The following CAMSAP1 variants were observed in gnomAD, a reference collection of about 807,000 sequenced individuals.
CAMSAP1 encodes the protein calmodulin-regulated spectrin-associated protein 1.
CAMSAP1 carries 58 observed loss-of-function variants against 143.5 expected under a neutral mutation model. The observed-to-expected ratio is 0.40, with a 90% confidence interval of 0.33 to 0.50. The LOEUF is 0.50. Among genes scored for constraint, CAMSAP1 ranks in the 20% least tolerant of loss-of-function variants. The pLI is 0.45. For synonymous variants in CAMSAP1, 945 were observed against 859.3 expected, an observed-to-expected ratio of 1.10 and a Z score of -1.74; for missense variants, 1,969 against 2,115.7, an observed-to-expected ratio of 0.93 and a Z score of 1.36.
At chr9:135,893,790 A>G (rs1184016789) in intron 1 of CAMSAP1, among the ~76,000 whole-genome samples, 1 of 152,232 alleles carries the variant, frequency 6.6e-6, no homozygotes, top group Non-Finnish European at 1.5e-5. Flanking sequence ...AGACAAAGAG[A>G]AGATTTTTCA....
chr9:135,887,596 G>A (rs549010931), intron 1 of CAMSAP1, among the ~76,000 whole-genome samples: 1 of 152,320 alleles, frequency 6.6e-6, no homozygotes, highest in South Asian at 2.1e-4. Context: ...AGGGATGCAG[G>A]GCCCAGGTAG....
chr9:135,863,875 G>C (rs886821928), intron 4 of CAMSAP1, among the ~76,000 whole-genome samples: 1 of 152,244 alleles, frequency 6.6e-6, no homozygotes, highest in Middle Eastern at 3.4e-3. Context: ...GACACGTGAG[G>C]GGGGAACACA....
chr9:135,866,743 C>A (rs1310624528), intron 3 of CAMSAP1, among the ~76,000 whole-genome samples: 1 of 152,200 alleles, frequency 6.6e-6, no homozygotes, highest in Admixed American at 6.5e-5. Flanking sequence ...AGGAAACCAC[C>A]TGCCCCCGAC....
chr9:135,883,586 G>C (rs1838028867), intron 1 of CAMSAP1, among the ~76,000 whole-genome samples: 1 of 152,246 alleles, frequency 6.6e-6, no homozygotes, highest in Non-Finnish European at 1.5e-5. Context: ...AGTGATAACA[G>C]AGGGTGAACA....
Position 135,811,414 on chromosome 9 carries a change from G to A in CAMSAP1, c.4704C>T (p.Ile1568=). ...CACTGACAGACATGGTTTTGGCTGG[G>A]ATCAAGTTAAACTGTTTTCGGTCTG... is the stretch of plus-strand genomic sequence containing the variant. ...YSSDRKQFNL[I]PAKTMSVSVD... The change falls in exon 17 of 17, where the codon ATC becomes ATT. Residue 1568 remains isoleucine (I), a synonymous_variant. Coordinates refer to ENST00000389532, the MANE Select transcript of CAMSAP1 (RefSeq NM_015447.4). The surrounding 1 kb of genome is among the most constrained non-coding windows in gnomAD (Gnocchi z 4.9). 1 of 1,612,894 alleles carries A rather than the reference G, an allele frequency of 6.2e-7. No homozygotes were observed.
At chr9:135,832,726 A>G in intron 7 of CAMSAP1, among the ~76,000 whole-genome samples, 1 of 152,038 alleles carries the variant, frequency 6.6e-6, no homozygotes, top group East Asian at 1.9e-4. Flanking sequence ...AAACTGTAGC[A>G]TTTCTATACA....
At chr9:135,881,998 C>T (rs567827229) in intron 2 of CAMSAP1, among the ~76,000 whole-genome samples, 11 of 152,222 alleles carry the variant, frequency 7.2e-5, no homozygotes, top group Non-Finnish European at 1.3e-4. Flanking sequence ...GCCTCAAGAC[C>T]GTCTGGAACC....
intron 14 of CAMSAP1, among the ~76,000 whole-genome samples, chr9:135,816,819 C>T (rs1370921864): frequency 6.6e-6 from 1 of 152,194 alleles, no homozygotes; most frequent in Non-Finnish European, 1.5e-5. Context: ...GCTGACAACA[C>T]GCGTGGAGGA....
intron 1 of CAMSAP1, among the ~76,000 whole-genome samples, chr9:135,894,120 C>A (rs910701813): frequency 6.6e-6 from 1 of 152,108 alleles, no homozygotes; most frequent in African/African-American, 2.4e-5. Flanking sequence ...CCACACCAGG[C>A]GAGCCCAAGC....
intron 1 of CAMSAP1, among the ~76,000 whole-genome samples, chr9:135,898,517 A>ATG (rs1838523156): frequency 6.6e-6 from 1 of 152,178 alleles, no homozygotes; most frequent in South Asian, 2.1e-4. Context: ...ATATATATAT[A>ATG]TACACAATTA....
intron 4 of CAMSAP1, chr9:135,865,507 A>G: frequency 1.4e-6 from 1 of 708,636 alleles, no homozygotes; most frequent in Non-Finnish European, 2.4e-6. Context: ...TTCTAAGTGT[A>G]CGTGGCCATA....
Position 135,818,352 on chromosome 9 carries a change from T to A in CAMSAP1, c.4168+56A>T. 2.0e-6 allele frequency: 3 copies of A among 1,497,914 alleles called. No homozygotes were observed. The South Asian group carries it at 3.7e-5, about 19-fold the overall frequency. 92.8% of individuals were successfully genotyped at this position (1,497,914 alleles called of 1,614,324 possible). On this transcript the variant is annotated intron_variant, in intron 13 of 16. Transcript: ENST00000389532. The surrounding 1 kb of genome is among the most constrained non-coding windows in gnomAD (Gnocchi z 7.7). ...CAAAATTGAAATGAGCTGAAGAACGTGAGGCCGCCGCCCGCGGAAGGAAGC... is the reference window on the plus strand; with the variant it reads ...CAAAATTGAAATGAGCTGAAGAACGAGAGGCCGCCGCCCGCGGAAGGAAGC...
intron 7 of CAMSAP1, among the ~76,000 whole-genome samples, chr9:135,845,745 A>G (rs781112375): frequency 6.6e-5 from 10 of 152,212 alleles, no homozygotes; most frequent in Non-Finnish European, 1.3e-4. Context: ...GAGCCAAATC[A>G]TGAGTGAACT....
intron 4 of CAMSAP1, among the ~76,000 whole-genome samples, chr9:135,864,163 C>G (rs1258525405): frequency 1.3e-5 from 2 of 151,634 alleles, no homozygotes; most frequent in East Asian, 4.0e-4. Context: ...ATTAAGGGAC[C>G]CACCACCCTT....
intron 16 of CAMSAP1, among the ~76,000 whole-genome samples, chr9:135,813,010 G>A (rs71508818): frequency 0.015 from 2,302 of 151,798 alleles, 18 homozygotes; most frequent in Non-Finnish European, 0.025. Context: ...GCCTGTCGCC[G>A]CGTTTGTTGA....
Position 135,823,038 on chromosome 9 carries a change from C to T in CAMSAP1, c.1623G>A (p.Glu541=), listed in dbSNP as rs917258821. 1.2e-6 allele frequency: 2 copies of T among 1,614,030 alleles called. No homozygotes were observed. The highest frequency in any genetic ancestry group is 8.5e-7 in the Non-Finnish European group (1 of 1,179,912). ...CGTCTGCTCTAACAATAGCCACAAG[C>T]TCCTCTTCCTCATCCTCAATACTGA... ...SNVSIEDEEE[E]LVAIVRADVV... The change falls in exon 11 of 17, where the codon GAG becomes GAA. Residue 541 remains glutamate, a synonymous_variant. Coordinates refer to ENST00000389532, the MANE Select transcript of CAMSAP1 (RefSeq NM_015447.4).
intron 1 of CAMSAP1, among the ~76,000 whole-genome samples, chr9:135,887,938 G>A (rs1295164485): frequency 6.6e-6 from 1 of 152,210 alleles, no homozygotes; most frequent in Admixed American, 6.5e-5. Context: ...GGCAGGCCTC[G>A]GCGGGAGCCA....
intron 16 of CAMSAP1, among the ~76,000 whole-genome samples, chr9:135,812,413 A>T (rs1187761200): frequency 6.6e-6 from 1 of 152,158 alleles, no homozygotes. Flanking sequence ...GCCTGACCCA[A>T]AAGGCCATAT....
At chr9:135,819,224 G>A (rs1156958498) in intron 11 of CAMSAP1, 78 bp from the exon 12 acceptor site, 6 of 1,489,482 alleles carry the variant, frequency 4.0e-6, no homozygotes, top group East Asian at 4.9e-5. Context: ...CCCAGCAGCC[G>A]ACTTCCACTA....
Sources: gnomAD v4.1 joint callset for allele counts (sites outside exome capture counted in the v4.1 genomes callset) on GRCh38, gnomAD v4.1.1 for gene constraint, Gnocchi (gnomAD v3.1) non-coding constraint, MANE v1.5 for transcripts, NCBI Gene and HGNC (gene_info 2026-07-23, HGNC 2026-07-21) for gene names.